SPOUT1: variants seen among roughly 807,000 people sequenced by gnomAD.
The protein encoded by SPOUT1 is SPOUT domain containing methyltransferase 1, also known as 28S rRNA (uridine-N(3))-methyltransferase.
In SPOUT1, 40 loss-of-function variants were observed where a neutral mutation model predicts 54.8. That is an observed-to-expected ratio of 0.73 (90% CI 0.57 to 0.95). SPOUT1 has a LOEUF of 0.95. SPOUT1 is among the 40% of genes least tolerant of loss of function. The pLI, the probability that SPOUT1 is intolerant of heterozygous loss-of-function variation, is 0.00. For synonymous variants in SPOUT1, 193 were observed against 200.3 expected, an observed-to-expected ratio of 0.96 and a Z score of 0.31; for missense variants, 437 against 499.5, an observed-to-expected ratio of 0.87 and a Z score of 1.19.
In SPOUT1 at chr9:128,826,980, G is replaced by T; in HGVS notation, c.368+52C>A. The T allele has an allele frequency of 6.3e-7, 1 of 1,578,410 alleles. No individual in the cohort carries two copies. Among genetic ancestry groups the T allele is most frequent in the South Asian group, 1.1e-5 (1 of 88,090 alleles). The stretch of plus-strand genomic sequence containing the variant: ...CCATGGTGAAGCCTCGGCCCATCCC[G>T]GCAGCCCCTCCCTCTCCCTGAACCC... On this transcript the variant is annotated intron_variant, in intron 4 of 11. Coordinates refer to ENST00000361256, the MANE Select transcript of SPOUT1 (RefSeq NM_016390.4). This position sits in a 1 kb window ranked among gnomAD's most constrained non-coding sequence, Gnocchi z 5.5.
rs1443466369 is a variant in SPOUT1 at position 128,821,385 on chromosome 9, C to A, written c.*1380G>T. On this transcript the variant is annotated 3_prime_UTR_variant, in exon 12 of 12. Coordinates refer to ENST00000361256, the MANE Select transcript of SPOUT1 (RefSeq NM_016390.4). The stretch of plus-strand genomic sequence containing the variant: ...GTCCCCAGTGCACCGAGCTCTCCCG[C>A]CTTCCCCATGCAGGTCCCCAGTGCA... 3 of 169,504 alleles carry A rather than the reference C, an allele frequency of 1.8e-5. No homozygotes were observed. Among genetic ancestry groups the A allele is most frequent in the African/African-American group, 7.3e-5 (3 of 41,202 alleles). 10.5% of individuals were successfully genotyped at this position (169,504 alleles called of 1,614,324 possible).
chr9:128,826,626 A>G lies in SPOUT1; in HGVS notation c.372T>C (p.Thr124=). 1 of 1,562,128 alleles carries G rather than the reference A, an allele frequency of 6.4e-7. No individual in the cohort carries two copies. The highest frequency in any genetic ancestry group is 8.7e-7 in the Non-Finnish European group (1 of 1,154,382). Residue 124 remains threonine (T), a synonymous_variant, in exon 5 of 12, where the codon ACT becomes ACC. Transcript: ENST00000361256. The surrounding 1 kb of genome is among the most constrained non-coding windows in gnomAD (Gnocchi z 5.5). ...VFDEEGQDAK[T]VEGEFTGVGK... ...CAACTCCTGTGAATTCCCCCTCCAC[A>G]GTCCTGGAGAGAGAGAGATGGGGGC...
intron 9 of SPOUT1, 135 bp from the exon 10 acceptor site, chr9:128,824,309 T>C (rs77836620): frequency 0.042 from 25,290 of 599,202 alleles, 788 homozygotes; most frequent in East Asian, 0.092. Flanking sequence ...TGCGTGTGTG[T>C]ACTAAGGTAG....
intron 2 of SPOUT1, 63 bp from the exon 3 acceptor site, chr9:128,828,923 C>A: frequency 6.2e-7 from 1 of 1,604,966 alleles, no homozygotes; most frequent in South Asian, 1.1e-5. Flanking sequence ...TCAGCCTGGA[C>A]TCTGGAGAGC....
chr9:128,829,105 C>T lies in SPOUT1; in HGVS notation c.82+5G>A. 1.2e-6 allele frequency: 2 copies of T among 1,613,428 alleles called. No individual in the cohort carries two copies. The highest frequency in any genetic ancestry group is 1.7e-6 in the Non-Finnish European group (2 of 1,179,314). On this transcript the variant is annotated splice_donor_5th_base_variant and intron_variant, in intron 2 of 11. Coordinates refer to ENST00000361256, the MANE Select transcript of SPOUT1 (RefSeq NM_016390.4). Reference sequence around the variant, plus strand: ...GGGAAGATACTCTTACCCACCCTTACTTACTCTGTTGCTTCCATTTTCGCC... The same window carrying T: ...GGGAAGATACTCTTACCCACCCTTATTTACTCTGTTGCTTCCATTTTCGCC...
Position 128,827,653 on chromosome 9 carries a change from C to A in SPOUT1, c.209-462G>T, listed in dbSNP as rs555071743. Among the ~76,000 whole-genome samples, 7 of 152,400 alleles carry A rather than the reference C, an allele frequency of 4.6e-5. No individual in the cohort carries two copies. The South Asian group carries it at 1.4e-3, about 32-fold the overall frequency. On this transcript the variant is annotated intron_variant, in intron 3 of 11. Coordinates refer to ENST00000361256, the MANE Select transcript of SPOUT1 (RefSeq NM_016390.4). The stretch of plus-strand genomic sequence containing the variant: ...GCCCAAGGTCACACAAAAGGTGGCT[C>A]ATGCCTGTAATCCCAGCACTTTGGG...
In SPOUT1 at chr9:128,828,937, T is replaced by A; in HGVS notation, c.83-77A>T. ...GTCAGCCTGGACTCTGGAGAGCTGC[T>A]GGGTGAGCAGCCAGAGGGCAGCAAG... On this transcript the variant is annotated intron_variant, in intron 2 of 11. Transcript: ENST00000361256. 9 of 1,597,812 alleles carry A rather than the reference T, an allele frequency of 5.6e-6. No homozygotes were observed. In the South Asian group the frequency reaches 1.0e-4, roughly 18 times the overall value.
rs1830111999 is a variant in SPOUT1 at position 128,821,311 on chromosome 9, C to G, written c.*1454G>C. On this transcript the variant is annotated 3_prime_UTR_variant, in exon 12 of 12. Transcript: ENST00000361256. Reference sequence around the variant, plus strand: ...GAGGTGCACCGAGCTCTCCCGCCTTCCCCATGCAGGTCCCCAGTGCACCGA... The same window carrying G: ...GAGGTGCACCGAGCTCTCCCGCCTTGCCCATGCAGGTCCCCAGTGCACCGA... 5.4e-6 allele frequency: 1 copy of G among 185,964 alleles called. No individual in the cohort carries two copies. The highest frequency in any genetic ancestry group is 2.4e-5 in the African/African-American group (1 of 41,450). 11.5% of individuals were successfully genotyped at this position (185,964 alleles called of 1,614,324 possible).
At position 128,829,634 on chromosome 9, in the gene SPOUT1, C is replaced by A. The variant is rs919802361; in HGVS notation, c.36+111G>T. On this transcript the variant is annotated intron_variant, in intron 1 of 11. Coordinates refer to ENST00000361256, the MANE Select transcript of SPOUT1 (RefSeq NM_016390.4). ...TCGGGGGCTTCCGGCCTGGGATCAGCGGGAAGCAGGCAGCAGGAGGCGCGG... is the reference window on the plus strand; with the variant it reads ...TCGGGGGCTTCCGGCCTGGGATCAGAGGGAAGCAGGCAGCAGGAGGCGCGG... The A allele has an allele frequency of 6.0e-6, 5 of 827,702 alleles. No individual in the cohort carries two copies. The Admixed American group carries it at 7.4e-5, about 12-fold the overall frequency. The allele number at this position is 827,702 out of a possible 1,614,324, so 51.3% of individuals were successfully genotyped here.
rs1006761992 is a variant in SPOUT1 at position 128,821,875 on chromosome 9, C to T, written c.*890G>A. ...TGGGGCACTGATCAAATTTCATTAG[C>T]AGGTGCCTCCTAGGGCCTGGTGGAA... is the stretch of plus-strand genomic sequence containing the variant. On this transcript the variant is annotated 3_prime_UTR_variant, in exon 12 of 12. Coordinates refer to ENST00000361256, the MANE Select transcript of SPOUT1 (RefSeq NM_016390.4). The T allele has an allele frequency of 5.4e-6, 1 of 185,132 alleles. No homozygotes were observed. Among genetic ancestry groups the T allele is most frequent in the Non-Finnish European group, 1.1e-5 (1 of 87,162 alleles). 11.5% of individuals were successfully genotyped at this position (185,132 alleles called of 1,614,324 possible). A position where few individuals can be genotyped will look rare whatever the true frequency, so the allele number is the denominator to read the frequency against.
Position 128,822,189 on chromosome 9 carries a change from G to A in SPOUT1, c.*576C>T. On this transcript the variant is annotated 3_prime_UTR_variant, in exon 12 of 12. Coordinates refer to ENST00000361256, the MANE Select transcript of SPOUT1 (RefSeq NM_016390.4). ...TCCAGCCTCAAGGAGGAGCCAGGCA[G>A]GCTACAGAAGTCTCACAGTGAGGGC... 1.0e-6 allele frequency: 1 copy of A among 996,098 alleles called. No individual in the cohort carries two copies. The highest frequency in any genetic ancestry group is 1.4e-6 in the Non-Finnish European group (1 of 692,482). The allele number at this position is 996,098 out of a possible 1,614,324, so 61.7% of individuals were successfully genotyped here. A position where few individuals can be genotyped will look rare whatever the true frequency, so the allele number is the denominator to read the frequency against.
chr9:128,822,040 C>T lies in SPOUT1; in HGVS notation c.*725G>A, dbSNP rs1023362378. ...GATGGACAGTCGTTAAGTCTCCCCT[C>T]AGACGAATGTGAATATTCAGAAGGC... is the stretch of plus-strand genomic sequence containing the variant. On this transcript the variant is annotated 3_prime_UTR_variant, in exon 12 of 12. Coordinates refer to ENST00000361256, the MANE Select transcript of SPOUT1 (RefSeq NM_016390.4). 6.5e-6 allele frequency: 3 copies of T among 460,612 alleles called. No individual in the cohort carries two copies. The highest frequency in any genetic ancestry group is 1.2e-5 in the Non-Finnish European group (3 of 250,444). 28.5% of individuals were successfully genotyped at this position (460,612 alleles called of 1,614,324 possible).
In SPOUT1 at chr9:128,822,706, A is replaced by G. The variant is rs1479427142; in HGVS notation, c.*59T>C. The G allele has an allele frequency of 1.9e-6, 3 of 1,554,430 alleles. No individual in the cohort carries two copies. The South Asian group carries it at 3.6e-5, about 18-fold the overall frequency. On this transcript the variant is annotated 3_prime_UTR_variant, in exon 12 of 12. Transcript: ENST00000361256. The stretch of plus-strand genomic sequence containing the variant: ...AGTCTGGTGGCGTCCGTCCCAAGTG[A>G]CCTGCAGAGCCCCTGGTTTCACTGC...
In SPOUT1 at chr9:128,828,611, A is replaced by C. The variant is rs1830286640; in HGVS notation, c.208+124T>G. ...CCCTTCTCTGGGCCTCAGTTTCTCC[A>C]TCAGGACAAGATGTTTGGACCTACT... is the stretch of plus-strand genomic sequence containing the variant. On this transcript the variant is annotated intron_variant, in intron 3 of 11. Transcript: ENST00000361256. 3 of 1,035,152 alleles carry C rather than the reference A, an allele frequency of 2.9e-6. No individual in the cohort carries two copies. The Middle Eastern group carries it at 9.8e-4, about 340-fold the overall frequency. 64.1% of individuals were successfully genotyped at this position (1,035,152 alleles called of 1,614,324 possible).
In SPOUT1 at chr9:128,820,816, CTA is replaced by C. The variant is rs768580470; in HGVS notation, c.*1947_*1948del. ...GCTTGACCCGCAGCTACCAAAACGT[CTA>C]TGTCTGCACAGGGCCACTCTTCCTG... On this transcript the variant is annotated 3_prime_UTR_variant, in exon 12 of 12. Transcript: ENST00000361256. 9 of 1,611,792 alleles carry C rather than the reference CTA, an allele frequency of 5.6e-6. No individual in the cohort carries two copies. Among genetic ancestry groups the C allele is most frequent in the Non-Finnish European group, 6.8e-6 (8 of 1,179,044 alleles).
Position 128,829,101 on chromosome 9 carries a change from C to G in SPOUT1, c.82+9G>C. 6.2e-7 allele frequency: 1 copy of G among 1,613,086 alleles called. No homozygotes were observed. Among genetic ancestry groups the G allele is most frequent in the Non-Finnish European group, 8.5e-7 (1 of 1,179,046 alleles). On this transcript the variant is annotated intron_variant, in intron 2 of 11. Transcript: ENST00000361256. The stretch of plus-strand genomic sequence containing the variant: ...CTATGGGAAGATACTCTTACCCACC[C>G]TTACTTACTCTGTTGCTTCCATTTT...
rs966751366 is a variant in SPOUT1 at position 128,821,106 on chromosome 9, G to A, written c.*1659C>T. ...CCTGAATCTGCCCCCGCTTCTCCCT[G>A]CTGTCACCTCTTGGCATGCCCACCC... On this transcript the variant is annotated 3_prime_UTR_variant, in exon 12 of 12. Coordinates refer to ENST00000361256, the MANE Select transcript of SPOUT1 (RefSeq NM_016390.4). 1.9e-6 allele frequency: 1 copy of A among 531,990 alleles called. No homozygotes were observed. The highest frequency in any genetic ancestry group is 2.2e-5 in the South Asian group (1 of 45,170). 33.0% of individuals were successfully genotyped at this position (531,990 alleles called of 1,614,324 possible). A position where few individuals can be genotyped will look rare whatever the true frequency, so the allele number is the denominator to read the frequency against.
intron 3 of SPOUT1, among the ~76,000 whole-genome samples, chr9:128,828,278 C>T (rs368312759): frequency 6.6e-6 from 1 of 152,100 alleles, no homozygotes; most frequent in Non-Finnish European, 1.5e-5. Flanking sequence ...GGCAGATCAC[C>T]TGAGGTCAGG....
intron 11 of SPOUT1, among the ~76,000 whole-genome samples, chr9:128,823,474 G>A (rs1210058515): frequency 2.0e-5 from 3 of 152,148 alleles, no homozygotes; most frequent in Non-Finnish European, 4.4e-5. Context: ...ATCACTGAGC[G>A]CACGGCTAAG....
Sources: allele counts gnomAD v4.1 joint callset (sites outside exome capture counted in the v4.1 genomes callset), GRCh38; gene constraint gnomAD v4.1.1; non-coding constraint Gnocchi (gnomAD v3.1); transcripts MANE v1.5; gene names NCBI Gene and HGNC (gene_info 2026-07-23, HGNC 2026-07-21).